ADAMTSL1: variants seen among roughly 807,000 people sequenced by gnomAD.
ADAMTSL1 encodes ADAMTS like 1, also known as ADAMTS-like protein 1.
In ADAMTSL1, 126 loss-of-function variants were observed where a neutral mutation model predicts 201.8. The observed-to-expected ratio is 0.62, with a 90% CI of 0.54 to 0.72. The LOEUF (loss-of-function observed/expected upper bound fraction) is 0.72. Ranked by LOEUF, ADAMTSL1 falls within the 30% of genes least tolerant of loss-of-function variation. The pLI, the probability that ADAMTSL1 is intolerant of heterozygous loss-of-function variation, is 0.00. For missense variants in ADAMTSL1, 2,679 were observed against 2,277.8 expected, an observed-to-expected ratio of 1.18 and a Z score of -3.59; for synonymous variants, 1,121 against 903.4, an observed-to-expected ratio of 1.24 and a Z score of -4.32.
At chr9:18,739,788 A>G (rs1409170830) in intron 15 of ADAMTSL1, among the ~76,000 whole-genome samples, 4 of 152,200 alleles carry the variant, frequency 2.6e-5, no homozygotes, top group East Asian at 1.9e-4. Flanking sequence ...CTGTGTGAAT[A>G]GGAAGCCTGT....
At chr9:18,166,707 G>C (rs542198044) in intron 2 of ADAMTSL1, among the ~76,000 whole-genome samples, 7 of 151,806 alleles carry the variant, frequency 4.6e-5, no homozygotes, top group Non-Finnish European at 1.0e-4. Context: ...GCTATTCTAA[G>C]GGCTTTAACT....
intron 1 of ADAMTSL1, among the ~76,000 whole-genome samples, chr9:17,992,733 A>T (rs895603072): frequency 6.6e-6 from 1 of 152,300 alleles, no homozygotes; most frequent in South Asian, 2.1e-4. Context: ...AACTCTAAAA[A>T]ACAGTACAAA....
At chr9:18,354,046 T>TAC (rs1379667761) in intron 2 of ADAMTSL1, among the ~76,000 whole-genome samples, 3 of 46,700 alleles carry the variant, frequency 6.4e-5, no homozygotes, top group South Asian at 2.8e-3. Flanking sequence ...TTTTTTTCTA[T>TAC]ACATATATAT....
chr9:17,914,249 G>T (rs796847407), intron 1 of ADAMTSL1, among the ~76,000 whole-genome samples: 1 of 138,758 alleles, frequency 7.2e-6, no homozygotes, highest in South Asian at 2.4e-4. Flanking sequence ...TATCCTTGAT[G>T]AACATTGATG....
intron 1 of ADAMTSL1, among the ~76,000 whole-genome samples, chr9:17,968,338 C>A (rs867069694): frequency 6.6e-6 from 1 of 152,092 alleles, no homozygotes; most frequent in Non-Finnish European, 1.5e-5. Context: ...TTTCTAAATA[C>A]ATGTCAGAAG....
intron 3 of ADAMTSL1, among the ~76,000 whole-genome samples, chr9:18,554,220 CT>C (rs1405819902): frequency 6.6e-6 from 1 of 151,200 alleles, no homozygotes; most frequent in East Asian, 1.9e-4. Flanking sequence ...TTTCAAAATT[CT>C]TCTTAAAAAT....
chr9:18,805,700 G>A (rs1429739118), intron 20 of ADAMTSL1, among the ~76,000 whole-genome samples: 1 of 152,182 alleles, frequency 6.6e-6, no homozygotes, highest in Non-Finnish European at 1.5e-5. Context: ...CCCCCTGCAG[G>A]CATCACTAGC....
intron 1 of ADAMTSL1, among the ~76,000 whole-genome samples, chr9:18,153,682 C>T (rs1252692246): frequency 6.6e-6 from 1 of 151,912 alleles, no homozygotes; most frequent in Non-Finnish European, 1.5e-5. Context: ...TTGTAAAATG[C>T]AGAATGAGGA....
chr9:18,207,602 C>G (rs1381561594), intron 2 of ADAMTSL1, among the ~76,000 whole-genome samples: 1 of 152,168 alleles, frequency 6.6e-6, no homozygotes, highest in East Asian at 1.9e-4. Context: ...AAGTTAAACT[C>G]TTTAATGCAG....
At chr9:18,200,278 A>C (rs1009996082) in intron 2 of ADAMTSL1, among the ~76,000 whole-genome samples, 15 of 152,100 alleles carry the variant, frequency 9.9e-5, no homozygotes, top group African/African-American at 3.4e-4. Flanking sequence ...TATTAAAAAA[A>C]AAAAATTTGT....
At chr9:18,587,347 T>TA (rs906332074) in intron 4 of ADAMTSL1, among the ~76,000 whole-genome samples, 16 of 151,920 alleles carry the variant, frequency 1.1e-4, no homozygotes, top group Non-Finnish European at 4.4e-5. Flanking sequence ...AACAAGCATA[T>TA]AAAAAAAGCT....
intron 4 of ADAMTSL1, among the ~76,000 whole-genome samples, chr9:18,587,190 C>T (rs1248182990): frequency 1.3e-5 from 2 of 152,104 alleles, no homozygotes; most frequent in Non-Finnish European, 2.9e-5. Context: ...AAAATATTTG[C>T]AAACTATGCA....
At position 18,586,321 on chromosome 9, in the gene ADAMTSL1, A is replaced by G. The variant is rs114872606; in HGVS notation, c.474+12055A>G. ...CAGCCAAGCTGAAAGCCAAATCAGG[A>G]ATGCAATTCCATTTATAATTCCCAC... On this transcript the variant is annotated intron_variant, in intron 4 of 28. Transcript: ENST00000380548. Among the ~76,000 whole-genome samples, 1,387 of 152,296 alleles carry G rather than the reference A, an allele frequency of 9.1e-3. 21 individuals are homozygous for G. Among genetic ancestry groups the G allele is most frequent in the African/African-American group, 0.032 (1,326 of 41,544 alleles).
chr9:18,200,423 C>T (rs1335610357), intron 2 of ADAMTSL1, among the ~76,000 whole-genome samples: 4 of 152,066 alleles, frequency 2.6e-5, no homozygotes, highest in South Asian at 4.1e-4. Context: ...GATTATTATG[C>T]TTGATTTTGA....
chr9:18,030,993 G>A (rs144746624), intron 1 of ADAMTSL1, among the ~76,000 whole-genome samples: 66 of 152,170 alleles, frequency 4.3e-4, no homozygotes, highest in African/African-American at 1.5e-3. Flanking sequence ...TTTCTGTAGT[G>A]AATTTTTCAA....
chr9:18,903,843 C>T (rs1425142696), intron 26 of ADAMTSL1, among the ~76,000 whole-genome samples: 1 of 150,396 alleles, frequency 6.6e-6, no homozygotes, highest in Admixed American at 6.6e-5. Context: ...ATCCCAAGAC[C>T]TTTGGTTGAA....
At chr9:18,598,796 C>A (rs1473146197) in intron 4 of ADAMTSL1, among the ~76,000 whole-genome samples, 1 of 151,952 alleles carries the variant, frequency 6.6e-6, no homozygotes, top group African/African-American at 2.4e-5. Context: ...TTTATAAATG[C>A]ACTTGAGTAC....
At chr9:18,013,520 A>G (rs1420521472) in intron 1 of ADAMTSL1, among the ~76,000 whole-genome samples, 2 of 152,036 alleles carry the variant, frequency 1.3e-5, no homozygotes, top group East Asian at 1.9e-4. Flanking sequence ...CTAATGGTAA[A>G]TAGCCAATTC....
At chr9:18,730,412 A>G (rs1427745111) in intron 15 of ADAMTSL1, among the ~76,000 whole-genome samples, 1 of 152,256 alleles carries the variant, frequency 6.6e-6, no homozygotes, top group Non-Finnish European at 1.5e-5. Flanking sequence ...GGAACAGTTC[A>G]TACTTGTGAA....
Sources: gnomAD v4.1 joint callset for allele counts (sites outside exome capture counted in the v4.1 genomes callset) on GRCh38, gnomAD v4.1.1 for gene constraint, MANE v1.5 for transcripts, NCBI Gene and HGNC (gene_info 2026-07-23, HGNC 2026-07-21) for gene names.